The following FAR1 variants were observed in gnomAD, a reference collection of about 807,000 sequenced individuals.
The protein encoded by FAR1 is male sterility domain-containing protein 2.
In FAR1, 22 loss-of-function variants were observed where a neutral mutation model predicts 61.1. The observed-to-expected ratio is 0.36, with a 90% CI of 0.26 to 0.51. The LOEUF is 0.51. Among genes scored for constraint, FAR1 ranks in the 20% least tolerant of loss-of-function variants. The probability of loss-of-function intolerance (pLI) is 0.95; values close to 1 mark genes in which losing one functional copy is unlikely to be tolerated. For missense variants in FAR1, 359 were observed against 626.9 expected (o/e 0.57, Z 4.56); for synonymous variants, 206 against 209.7 (o/e 0.98, Z 0.15).
intron 1 of FAR1, among the ~76,000 whole-genome samples, chr11:13,683,392 C>CAA (rs979271677): frequency 7.4e-6 from 1 of 135,948 alleles, no homozygotes; most frequent in African/African-American, 2.7e-5. Flanking sequence ...GACTCCATCT[C>CAA]AAAAAAAAAA....
rs994037276 is a variant in FAR1 at position 13,697,818 on chromosome 11, G to A, written c.190-2499G>A. ...TCCTTAGGTTCCTTTTCCTCTGCTT[G>A]CCCCATAAGGATTGATATTCTTCAA... On this transcript the variant is annotated intron_variant, in intron 2 of 11. Transcript: ENST00000354817. Among the ~76,000 whole-genome samples the A allele has an allele frequency of 2.0e-5, 3 of 152,200 alleles. No individual in the cohort carries two copies. The East Asian group carries it at 5.8e-4, about 29-fold the overall frequency.
At chr11:13,675,468 ATCTC>A (rs1166193606) in intron 1 of FAR1, among the ~76,000 whole-genome samples, 3 of 152,228 alleles carry the variant, frequency 2.0e-5, no homozygotes, top group African/African-American at 4.8e-5. Flanking sequence ...CTAAATCTGT[ATCTC>A]TCTATCTTTA....
chr11:13,727,801 A>T, intron 11 of FAR1, 118 bp downstream of exon 11: 1 of 937,466 alleles, frequency 1.1e-6, no homozygotes, highest in Non-Finnish European at 1.6e-6. Context: ...ATAATTTTTA[A>T]TGGTAATCTC....
intron 10 of FAR1, among the ~76,000 whole-genome samples, chr11:13,724,824 A>G (rs1848652746): frequency 6.6e-6 from 1 of 152,020 alleles, no homozygotes; most frequent in Non-Finnish European, 1.5e-5. Context: ...TGGACTAGCC[A>G]TATTAAAAGT....
At position 13,712,981 on chromosome 11, in the gene FAR1, G is replaced by A; in HGVS notation, c.903G>A (p.Met301Ile). The change falls in exon 8 of 12, where the codon ATG becomes ATA. Residue 301 changes from methionine (M) to isoleucine (I), a missense_variant. Met to Ile is a conservative substitution (Grantham distance 10, BLOSUM62 1). Around this residue, in one of 2 missense-constraint regions of FAR1, gnomAD observed 344 missense variants for 570.3 expected, o/e 0.60. Transcript: ENST00000354817. ...YSGVNRPRNI[M>I]VYNCTTGSTN... ...GTCTTTGCAGACCAAGAAACATCAT[G>A]GTGTATAATTGTACAACAGGCAGCA... 1 of 1,612,748 alleles carries A rather than the reference G, an allele frequency of 6.2e-7. No homozygotes were observed. The highest frequency in any genetic ancestry group is 8.5e-7 in the Non-Finnish European group (1 of 1,179,084).
chr11:13,712,271 A>AG (rs1344505974), intron 7 of FAR1, among the ~76,000 whole-genome samples: 2 of 151,566 alleles, frequency 1.3e-5, no homozygotes, highest in Non-Finnish European at 2.9e-5. Flanking sequence ...CTTACAGGAT[A>AG]GACAAGTTCA....
At chr11:13,700,741 G>A (rs1848361775) in intron 3 of FAR1, among the ~76,000 whole-genome samples, 1 of 152,078 alleles carries the variant, frequency 6.6e-6, no homozygotes, top group East Asian at 1.9e-4. Flanking sequence ...ACAGGGAAGA[G>A]GCAAAAAGTG....
intron 1 of FAR1, among the ~76,000 whole-genome samples, chr11:13,673,482 A>C (rs1220065084): frequency 1.3e-5 from 2 of 152,208 alleles, no homozygotes; most frequent in Admixed American, 1.3e-4. Context: ...CTGGGATTCA[A>C]ACCTTTCTTT....
At position 13,678,507 on chromosome 11, in the gene FAR1, A is replaced by G. The variant is rs763001478; in HGVS notation, c.-8+9701A>G. On this transcript the variant is annotated intron_variant, in intron 1 of 11. Coordinates refer to ENST00000354817, the MANE Select transcript of FAR1 (RefSeq NM_032228.6). ...TCTCGATCTCCTGACCTTGTGATCCACCCGCCTCGGCCTCCCAAAGTGCTG... is the reference window on the plus strand; with the variant it reads ...TCTCGATCTCCTGACCTTGTGATCCGCCCGCCTCGGCCTCCCAAAGTGCTG... Among the ~76,000 whole-genome samples, 32 of 151,900 alleles carry G rather than the reference A, an allele frequency of 2.1e-4. No homozygotes were observed. The East Asian group carries it at 5.6e-3, about 27-fold the overall frequency.
At chr11:13,680,110 T>C (rs142508991) in intron 1 of FAR1, among the ~76,000 whole-genome samples, 225 of 152,322 alleles carry the variant, frequency 1.5e-3, no homozygotes, top group African/African-American at 5.2e-3. Flanking sequence ...CTACAGCTGA[T>C]CTTTATTTGT....
At chr11:13,690,116 A>T (rs1268051512) in intron 1 of FAR1, among the ~76,000 whole-genome samples, 1 of 152,016 alleles carries the variant, frequency 6.6e-6, no homozygotes, top group East Asian at 1.9e-4. Flanking sequence ...ACCTCAGGTA[A>T]TCTGCCCGCC....
chr11:13,700,430 C>T lies in FAR1; in HGVS notation c.303C>T (p.Ile101=), dbSNP rs1021529208. Residue 101 remains isoleucine (I), a synonymous_variant, in exon 3 of 12, where the codon ATC becomes ATT. Coordinates refer to ENST00000354817, the MANE Select transcript of FAR1 (RefSeq NM_032228.6). ...LALSEEDKEV[I]IDSTNIIFHC... is the part of the protein sequence containing the mutation. The stretch of plus-strand genomic sequence containing the variant: ...TCAGTGAAGAAGATAAAGAGGTGAT[C>T]ATAGATTCTACCAATATTATATTCC... 6 of 1,592,272 alleles carry T rather than the reference C, an allele frequency of 3.8e-6. No homozygotes were observed. Among genetic ancestry groups the T allele is most frequent in the Non-Finnish European group, 5.1e-6 (6 of 1,172,138 alleles).
intron 1 of FAR1, among the ~76,000 whole-genome samples, chr11:13,675,351 C>T (rs143865404): frequency 1.3e-5 from 2 of 152,130 alleles, no homozygotes; most frequent in Admixed American, 6.5e-5. Flanking sequence ...AGAACTTAAA[C>T]AAGTGGCGAT....
At position 13,695,038 on chromosome 11, in the gene FAR1, A is replaced by G. The variant is rs563599248; in HGVS notation, c.189+84A>G. The stretch of plus-strand genomic sequence containing the variant: ...TTATTGTAGTCGTCAATAGCTTGGT[A>G]TATTTCTTCAGTATTCTGAAAAAAT... On this transcript the variant is annotated intron_variant, in intron 2 of 11. Coordinates refer to ENST00000354817, the MANE Select transcript of FAR1 (RefSeq NM_032228.6). The G allele has an allele frequency of 8.0e-6, 9 of 1,124,764 alleles. No individual in the cohort carries two copies. The East Asian group carries it at 1.1e-4, about 13-fold the overall frequency. The allele number at this position is 1,124,764 out of a possible 1,614,324, so 69.7% of individuals were successfully genotyped here.
intron 1 of FAR1, among the ~76,000 whole-genome samples, chr11:13,688,166 C>T (rs968796324): frequency 5.3e-5 from 8 of 150,902 alleles, no homozygotes; most frequent in African/African-American, 1.7e-4. Context: ...AAATGAGTCT[C>T]TTGTTGGCAG....
intron 3 of FAR1, among the ~76,000 whole-genome samples, chr11:13,702,506 A>G (rs1195119329): frequency 6.6e-6 from 1 of 152,120 alleles, no homozygotes; most frequent in Non-Finnish European, 1.5e-5. Flanking sequence ...ATATAGGTCT[A>G]ACTATTTGTT....
intron 3 of FAR1, among the ~76,000 whole-genome samples, chr11:13,701,180 CA>C (rs1354258900): frequency 6.6e-6 from 1 of 151,840 alleles, no homozygotes; most frequent in Non-Finnish European, 1.5e-5. Flanking sequence ...AGTCTCATGC[CA>C]ATTAAAATGG....
At chr11:13,678,372 C>G (rs900028722) in intron 1 of FAR1, among the ~76,000 whole-genome samples, 1 of 152,152 alleles carries the variant, frequency 6.6e-6, no homozygotes, top group East Asian at 1.9e-4. Context: ...TCATGCCATT[C>G]TCCTGCCTCA....
rs764992141 is a variant in FAR1 at position 13,700,404 on chromosome 11, C to G, written c.277C>G (p.Leu93Val). The G allele has an allele frequency of 6.2e-7, 1 of 1,601,804 alleles. No homozygotes were observed. The highest frequency in any genetic ancestry group is 1.1e-5 in the South Asian group (1 of 87,984). ...NSELTQPKLALSEEDKEVIID... is the reference protein window; with the variant it reads ...NSELTQPKLAVSEEDKEVIID... ...CGAACTCACCCAACCTAAACTGGCT[C>G]TCAGTGAAGAAGATAAAGAGGTGAT... The change falls in exon 3 of 12, where the codon CTC (leucine) becomes GTC (valine). Residue 93 changes from leucine to valine, a missense_variant. Leu to Val is a conservative substitution (Grantham distance 32). This residue lies in a region of FAR1 where 344 missense variants were observed against 570.3 expected (regional missense o/e 0.60). Transcript: ENST00000354817.
Sources: gnomAD v4.1 joint callset for allele counts (sites outside exome capture counted in the v4.1 genomes callset) on GRCh38, gnomAD v4.1.1 for gene constraint, gnomAD v4.1.1 regional missense constraint, MANE v1.5 for transcripts, NCBI Gene and HGNC (gene_info 2026-07-23, HGNC 2026-07-21) for gene names.